Variants in TAF4 observed in about 807,000 individuals in gnomAD.
TAF4 encodes transcription initiation factor TFIID subunit 4.
Under a neutral mutation model 90.3 loss-of-function variants are expected in TAF4, and 9 were observed. That is an observed-to-expected ratio of 0.10 (90% confidence interval 0.06 to 0.17). The LOEUF (loss-of-function observed/expected upper bound fraction) is 0.17, where lower values mean the gene tolerates loss of function less well. Among genes scored for constraint, TAF4 ranks in the 10% least tolerant of loss-of-function variants. TAF4 has a pLI of 1.00. For synonymous variants in TAF4, 818 were observed against 638.9 expected (o/e 1.28, Z -4.23); for missense variants, 1,351 against 1,370.7 (o/e 0.99, Z 0.23).
chr20:62,004,671 G>C (rs918598516), intron 7 of TAF4: 1 of 152,144 alleles, frequency 6.6e-6, no homozygotes, highest in Non-Finnish European at 1.5e-5. Context: ...TTTTCTACTG[G>C]AGTGGGGTTA....
chr20:62,011,810 G>A (rs781165571), intron 3 of TAF4, among the ~76,000 whole-genome samples: 1 of 152,208 alleles, frequency 6.6e-6, no homozygotes, highest in African/African-American at 2.4e-5. Context: ...CTCATGGCAG[G>A]TGCTTCACCA....
chr20:62,000,043 G>C (rs930535174), intron 11 of TAF4, 81 bp downstream of exon 11: 1 of 1,593,866 alleles, frequency 6.3e-7, no homozygotes, highest in African/African-American at 1.3e-5. Context: ...CCTCTGCCTC[G>C]GTGTGGGGAG....
intron 1 of TAF4, among the ~76,000 whole-genome samples, chr20:62,044,531 G>A (rs2055982023): frequency 6.6e-6 from 1 of 152,186 alleles, no homozygotes; most frequent in South Asian, 2.1e-4. Flanking sequence ...TTTGAACACA[G>A]TACTGATCTA....
chr20:61,976,038 G>A lies in TAF4; in HGVS notation c.*130C>T. 3 of 999,522 alleles carry A rather than the reference G, an allele frequency of 3.0e-6. No individual in the cohort carries two copies. Among genetic ancestry groups the A allele is most frequent in the Non-Finnish European group, 4.5e-6 (3 of 672,376 alleles). 61.9% of individuals were successfully genotyped at this position (999,522 alleles called of 1,614,324 possible). On this transcript the variant is annotated 3_prime_UTR_variant, in exon 15 of 15. Transcript: ENST00000252996. ...GTGTTTTCTTTCACACTGAAGAGCTGATTTAGAAACAGGAATATAAAACTG... is the reference window on the plus strand; with the variant it reads ...GTGTTTTCTTTCACACTGAAGAGCTAATTTAGAAACAGGAATATAAAACTG...
chr20:62,014,847 T>G, intron 1 of TAF4, 140 bp from the exon 2 acceptor site: 2 of 1,148,116 alleles, frequency 1.7e-6, no homozygotes, highest in Admixed American at 2.8e-5. Context: ...TCCCCCAAAC[T>G]CAAAACACAC....
intron 14 of TAF4, among the ~76,000 whole-genome samples, chr20:61,995,130 G>A (rs1419934683): frequency 6.6e-6 from 1 of 152,174 alleles, no homozygotes; most frequent in Non-Finnish European, 1.5e-5. Flanking sequence ...ACTCTTCAAG[G>A]GAGATCACAG....
intron 14 of TAF4, among the ~76,000 whole-genome samples, chr20:61,983,963 G>T (rs2055566268): frequency 6.6e-6 from 1 of 152,170 alleles, no homozygotes. Context: ...AGTCACAGCT[G>T]CCAATGAAGA....
chr20:62,038,393 C>A (rs573486961), intron 1 of TAF4, among the ~76,000 whole-genome samples: 24 of 152,046 alleles, frequency 1.6e-4, no homozygotes, highest in African/African-American at 5.3e-4. Flanking sequence ...AATCTCCTGA[C>A]CTCATGATCC....
Position 62,006,937 on chromosome 20 carries a change from A to T in TAF4, c.1975-179T>A. On this transcript the variant is annotated intron_variant, in intron 6 of 14. Coordinates refer to ENST00000252996, the MANE Select transcript of TAF4 (RefSeq NM_003185.4). The surrounding 1 kb of genome is among the most constrained non-coding windows in gnomAD (Gnocchi z 7.0). The stretch of plus-strand genomic sequence containing the variant: ...CAGGACCCCATCCTGCCCTCCCACT[A>T]AGTGGGATTATTCCTGATAGCAAAT... 2.8e-6 allele frequency: 2 copies of T among 721,620 alleles called. No individual in the cohort carries two copies. Among genetic ancestry groups the T allele is most frequent in the Non-Finnish European group, 3.9e-6 (2 of 511,398 alleles). The allele number at this position is 721,620 out of a possible 1,614,324, so 44.7% of individuals were successfully genotyped here.
At chr20:62,062,924 T>C (rs2056097543) in intron 1 of TAF4, among the ~76,000 whole-genome samples, 1 of 152,188 alleles carries the variant, frequency 6.6e-6, no homozygotes, top group African/African-American at 2.4e-5. Context: ...GGAAAAACAT[T>C]TTTATAAATA....
chr20:62,052,982 CCCA>C (rs1449132712), intron 1 of TAF4, among the ~76,000 whole-genome samples: 1 of 152,098 alleles, frequency 6.6e-6, no homozygotes, highest in Non-Finnish European at 1.5e-5. Flanking sequence ...TCCGCCACCC[CCCA>C]CAACACCAGG....
In TAF4 at chr20:62,029,486, GCA is replaced by G. The variant is rs56056225; in HGVS notation, c.1361-14781_1361-14780del. Among the ~76,000 whole-genome samples, 318 of 146,180 alleles carry G rather than the reference GCA, an allele frequency of 2.2e-3. 2 individuals carry two copies. Among genetic ancestry groups the G allele is most frequent in the African/African-American group, 5.8e-3 (222 of 38,274 alleles). Reference sequence around the variant, plus strand: ...GCCCAGTGCCCACGTGCGCGCGCGCGCACACACACACACACACACACTCATAC... The same window carrying G: ...GCCCAGTGCCCACGTGCGCGCGCGCGCACACACACACACACACACTCATAC... On this transcript the variant is annotated intron_variant, in intron 1 of 14. Transcript: ENST00000252996.
intron 14 of TAF4, among the ~76,000 whole-genome samples, chr20:61,982,201 C>G (rs1453194808): frequency 7.3e-5 from 8 of 109,812 alleles, no homozygotes; most frequent in Non-Finnish European, 9.5e-5. Flanking sequence ...CACACCCCAC[C>G]CGAGAGGAGA....
intron 14 of TAF4, chr20:61,981,560 G>A (rs2055541134): frequency 1.3e-5 from 2 of 152,226 alleles, no homozygotes; most frequent in African/African-American, 4.8e-5. Flanking sequence ...ACAGTCTGAG[G>A]GAGGGGAGGC....
At chr20:62,000,404 T>C in intron 10 of TAF4, 148 bp downstream of exon 10, 1 of 1,395,906 alleles carries the variant, frequency 7.2e-7, no homozygotes, top group Non-Finnish European at 9.7e-7. Flanking sequence ...GTACCCATAT[T>C]TTACCCAAGA....
intron 11 of TAF4, 120 bp downstream of exon 11, chr20:62,000,003 AG>A (rs2055688864): frequency 8.2e-7 from 1 of 1,223,990 alleles, no homozygotes; most frequent in African/African-American, 1.5e-5. Flanking sequence ...CACGTTCGTA[AG>A]GAACATGGAG....
intron 1 of TAF4, among the ~76,000 whole-genome samples, chr20:62,029,552 G>A (rs183883926): frequency 4.6e-5 from 7 of 152,276 alleles, no homozygotes; most frequent in African/African-American, 9.6e-5. Flanking sequence ...TGGGGCTGCC[G>A]TGGTGGGGCG....
chr20:62,014,623 G>A lies in TAF4; in HGVS notation c.1445C>T (p.Ala482Val). The change falls in exon 2 of 15, where the codon GCC becomes GTC. Residue 482 changes from alanine (A) to valine (V), a missense_variant. Around this residue, in one of 9 missense-constraint regions of TAF4, gnomAD observed 143 missense variants for 176.3 expected, o/e 0.81. Coordinates refer to ENST00000252996, the MANE Select transcript of TAF4 (RefSeq NM_003185.4). ...AGGCGCCATGGTGGTCTGAGGCTGGGCATGGGCCTGCGCCTGCATCTGGGC... is the reference window on the plus strand; with the variant it reads ...AGGCGCCATGGTGGTCTGAGGCTGGACATGGGCCTGCGCCTGCATCTGGGC... The part of the protein sequence containing the change: ...ALAQMQAQAH[A>V]QPQTTMAPRP... The A allele has an allele frequency of 6.2e-7, 1 of 1,614,076 alleles. No homozygotes were observed. The highest frequency in any genetic ancestry group is 8.5e-7 in the Non-Finnish European group (1 of 1,180,000).
intron 1 of TAF4, among the ~76,000 whole-genome samples, chr20:62,053,568 C>T (rs540753668): frequency 2.0e-5 from 3 of 152,342 alleles, no homozygotes; most frequent in East Asian, 3.9e-4. Flanking sequence ...ACCTCACCTC[C>T]GCCCGTCCAC....
Sources: gnomAD v4.1 joint callset for allele counts (sites outside exome capture counted in the v4.1 genomes callset) on GRCh38, gnomAD v4.1.1 for gene constraint, gnomAD v4.1.1 regional missense constraint, Gnocchi (gnomAD v3.1) non-coding constraint, MANE v1.5 for transcripts, NCBI Gene and HGNC (gene_info 2026-07-23, HGNC 2026-07-21) for gene names.